NUP205: variants seen among roughly 807,000 people sequenced by gnomAD.
NUP205 encodes nucleoporin 205.
NUP205 carries 76 observed loss-of-function variants against 253.8 expected under a neutral mutation model. The ratio of observed to expected loss-of-function variants is 0.30; its 90% CI spans 0.25 to 0.36. NUP205 has a LOEUF of 0.36. Ranked by LOEUF, NUP205 falls within the 10% of genes least tolerant of loss-of-function variation. NUP205 has a pLI of 1.00. For synonymous variants in NUP205, 832 were observed against 850.1 expected, an observed-to-expected ratio of 0.98 and a Z score of 0.37; for missense variants, 2,162 against 2,425.5, an observed-to-expected ratio of 0.89 and a Z score of 2.28.
chr7:135,616,449 G>A (rs1794360596), intron 24 of NUP205, among the ~76,000 whole-genome samples: 1 of 152,036 alleles, frequency 6.6e-6, no homozygotes, highest in Non-Finnish European at 1.5e-5. Flanking sequence ...ATTGTGCAGT[G>A]GATTCCATAG....
chr7:135,615,491 A>G (rs537820458), intron 23 of NUP205, among the ~76,000 whole-genome samples: 85 of 152,342 alleles, frequency 5.6e-4, no homozygotes, highest in African/African-American at 1.9e-3. Context: ...AGGTATTATA[A>G]AATCATGCAA....
intron 9 of NUP205, 35 bp from the exon 10 acceptor site, chr7:135,587,820 G>C: frequency 6.3e-7 from 1 of 1,579,574 alleles, no homozygotes; most frequent in Non-Finnish European, 8.6e-7. Flanking sequence ...TTCAGTCATA[G>C]ACATTTCCCT....
intron 1 of NUP205, among the ~76,000 whole-genome samples, chr7:135,561,917 CTCCT>C (rs755809128): frequency 1.8e-4 from 26 of 147,672 alleles, no homozygotes; most frequent in Admixed American, 4.1e-4. Context: ...CCTTCCTTCC[CTCCT>C]TCCTTCCTTC....
intron 19 of NUP205, among the ~76,000 whole-genome samples, chr7:135,605,250 C>T (rs1794062467): frequency 6.6e-6 from 1 of 152,134 alleles, no homozygotes; most frequent in Admixed American, 6.5e-5. Flanking sequence ...TTCTAGAGCT[C>T]AAGCAGTGTG....
At chr7:135,585,096 T>G in intron 8 of NUP205, 89 bp downstream of exon 8, 2 of 1,162,254 alleles carry the variant, frequency 1.7e-6, no homozygotes, top group Non-Finnish European at 2.4e-6. Context: ...TTTTGGAAAC[T>G]AATAAAAATT....
Position 135,637,975 on chromosome 7 carries a change from A to G in NUP205, c.5181A>G (p.Arg1727=). 1 of 1,614,088 alleles carries G rather than the reference A, an allele frequency of 6.2e-7. No individual in the cohort carries two copies. The highest frequency in any genetic ancestry group is 2.2e-5 in the East Asian group (1 of 44,888). ...TAAGTCGCTTTGGTGGCTCTGACAG[A>G]CTGCGTCAGTTTAAATTTCAAGACG... The part of the protein sequence containing the change: ...GLLSRFGGSD[R]LRQFKFQDDN... Residue 1727 remains arginine, a synonymous_variant, in exon 37 of 43, where the codon AGA becomes AGG. Coordinates refer to ENST00000285968, the MANE Select transcript of NUP205 (RefSeq NM_015135.3).
chr7:135,637,892 A>G (rs1563139227), intron 36 of NUP205, 39 bp from the exon 37 acceptor site: 1 of 1,573,238 alleles, frequency 6.4e-7, no homozygotes, highest in Admixed American at 1.9e-5. Context: ...GAGGTTACTA[A>G]TTTTAAATAC....
At chr7:135,569,228 G>A (rs980077942) in intron 1 of NUP205, among the ~76,000 whole-genome samples, 4 of 152,040 alleles carry the variant, frequency 2.6e-5, no homozygotes, top group Non-Finnish European at 5.9e-5. Context: ...GTGCCACCAC[G>A]CTTGGCTAAT....
At chr7:135,619,924 G>A (rs773477182) in intron 30 of NUP205, 36 bp downstream of exon 30, 2 of 1,327,072 alleles carry the variant, frequency 1.5e-6, no homozygotes, top group Admixed American at 3.9e-5. Flanking sequence ...TTTCTGGATT[G>A]GGAGATGGTT....
chr7:135,575,547 A>G (rs1806129109), intron 3 of NUP205, among the ~76,000 whole-genome samples: 1 of 152,180 alleles, frequency 6.6e-6, no homozygotes, highest in South Asian at 2.1e-4. Context: ...CTGTAATCCC[A>G]CCACTTTGGG....
intron 22 of NUP205, among the ~76,000 whole-genome samples, chr7:135,609,293 A>G (rs1183689133): frequency 1.3e-5 from 2 of 151,946 alleles, no homozygotes; most frequent in Non-Finnish European, 2.9e-5. Flanking sequence ...CCTGACTAAC[A>G]CAATGAAACC....
intron 8 of NUP205, among the ~76,000 whole-genome samples, chr7:135,585,781 A>G (rs1415023368): frequency 6.6e-6 from 1 of 152,192 alleles, no homozygotes; most frequent in African/African-American, 2.4e-5. Context: ...TGAACAGGTG[A>G]TCTGCCCACC....
intron 38 of NUP205, among the ~76,000 whole-genome samples, chr7:135,641,339 A>C (rs1273844290): frequency 6.6e-6 from 1 of 152,228 alleles, no homozygotes; most frequent in African/African-American, 2.4e-5. Flanking sequence ...TCTCTATAAC[A>C]ATGTATTGTG....
In NUP205 at chr7:135,618,494, C is replaced by T. The variant is rs796145382; in HGVS notation, c.3854C>T (p.Ser1285Leu). Residue 1285 changes from serine to leucine, a missense_variant, in exon 28 of 43, where the codon TCG becomes TTG. Around this residue, in one of 5 missense-constraint regions of NUP205, gnomAD observed 1,144 missense variants for 1,280.9 expected, o/e 0.89. Coordinates refer to ENST00000285968, the MANE Select transcript of NUP205 (RefSeq NM_015135.3). ...CATGCAAAACGTCATGCTCTGGAGT[C>T]GTGGAGGCAACTAGTAGAAATTATA... ...CLHAKRHALE[S>L]WRQLVEIILT... The T allele has an allele frequency of 6.2e-7, 1 of 1,613,906 alleles. No individual in the cohort carries two copies. Among genetic ancestry groups the T allele is most frequent in the Non-Finnish European group, 8.5e-7 (1 of 1,179,990 alleles).
At chr7:135,585,920 G>A (rs558573464) in intron 8 of NUP205, among the ~76,000 whole-genome samples, 3 of 152,246 alleles carry the variant, frequency 2.0e-5, no homozygotes, top group Admixed American at 6.5e-5. Context: ...TTAAGAAACC[G>A]TAACACAAAG....
At position 135,587,945 on chromosome 7, in the gene NUP205, A is replaced by G. The variant is rs1391294823; in HGVS notation, c.1426A>G (p.Met476Val). ...PTEPLQTPTI[M>V]GSYLGVAHQR... ...AGAGCCTCTTCAGACTCCGACTATC[A>G]TGGGCTCTTATCTAGGGGTGGCTCA... Residue 476 changes from methionine (M) to valine (V), a missense_variant, in exon 10 of 43, where the codon ATG becomes GTG. Coordinates refer to ENST00000285968, the MANE Select transcript of NUP205 (RefSeq NM_015135.3). The G allele has an allele frequency of 2.5e-6, 4 of 1,613,878 alleles. No individual in the cohort carries two copies. The highest frequency in any genetic ancestry group is 1.7e-5 in the Admixed American group (1 of 59,996).
At chr7:135,595,557 T>C (rs1261873163) in intron 13 of NUP205, among the ~76,000 whole-genome samples, 1 of 152,008 alleles carries the variant, frequency 6.6e-6, no homozygotes, top group Non-Finnish European at 1.5e-5. Context: ...TAGAATACTT[T>C]TTATTGGTGG....
chr7:135,624,762 T>C (rs1563133993), intron 31 of NUP205, among the ~76,000 whole-genome samples: 1 of 152,144 alleles, frequency 6.6e-6, no homozygotes, highest in Admixed American at 6.5e-5. Flanking sequence ...GATACAGGGG[T>C]GAGCCACTGT....
intron 22 of NUP205, among the ~76,000 whole-genome samples, chr7:135,610,310 T>C (rs1794195932): frequency 6.6e-6 from 1 of 152,142 alleles, no homozygotes; most frequent in Non-Finnish European, 1.5e-5. Context: ...AACCTCCACC[T>C]CCCGGGTTCA....
Sources: gnomAD v4.1 joint callset for allele counts (sites outside exome capture counted in the v4.1 genomes callset) on GRCh38, gnomAD v4.1.1 for gene constraint, gnomAD v4.1.1 regional missense constraint, MANE v1.5 for transcripts, NCBI Gene and HGNC (gene_info 2026-07-23, HGNC 2026-07-21) for gene names.